KIRREL3: variants seen among roughly 807,000 people sequenced by gnomAD.
KIRREL3 encodes the protein kin of IRRE-like protein 3.
In KIRREL3, 36 loss-of-function variants were observed where a neutral mutation model predicts 89.7. That is an observed-to-expected ratio of 0.40 (90% CI 0.31 to 0.53). The LOEUF (loss-of-function observed/expected upper bound fraction) is 0.53, where lower values mean the gene tolerates loss of function less well. KIRREL3 is among the 20% of genes least tolerant of loss of function. The pLI, the probability that KIRREL3 is intolerant of heterozygous loss-of-function variation, is 0.49. For missense variants in KIRREL3, 864 were observed against 1,056.6 expected (o/e 0.82, Z 2.53); for synonymous variants, 445 against 441.4 (o/e 1.01, Z -0.10).
In KIRREL3 at chr11:126,909,367, C is replaced by T. The variant is rs555521993; in HGVS notation, c.55+91088G>A. 5.3e-5 allele frequency among the ~76,000 whole-genome samples: 8 copies of T among 152,302 alleles called. No individual in the cohort carries two copies. The highest frequency in any genetic ancestry group is 1.9e-4 in the East Asian group (1 of 5,180). On this transcript the variant is annotated intron_variant, in intron 1 of 16. Transcript: ENST00000525144. The surrounding 1 kb of genome is among the most constrained non-coding windows in gnomAD (Gnocchi z 4.5). ...GTTCCTCAAGGCAAGAGAGCAAGGA[C>T]GCATTGCACTCATCCTTGCATATCT...
chr11:126,431,676 G>T lies in KIRREL3; in HGVS notation c.1589-150C>A. The stretch of plus-strand genomic sequence containing the variant: ...TGGGGCCTGGGCAGGCACAGGCCGA[G>T]TCCAACTGGGGTCAGCTCTAGCTGG... On this transcript the variant is annotated intron_variant, in intron 13 of 16. Transcript: ENST00000525144. The surrounding 1 kb of genome is among the most constrained non-coding windows in gnomAD (Gnocchi z 7.1). 2 of 758,524 alleles carry T rather than the reference G, an allele frequency of 2.6e-6. No homozygotes were observed. Among genetic ancestry groups the T allele is most frequent in the Non-Finnish European group, 4.3e-6 (2 of 462,348 alleles). The allele number at this position is 758,524 out of a possible 1,614,324, so 47.0% of individuals were successfully genotyped here.
At position 126,574,587 on chromosome 11, in the gene KIRREL3, C is replaced by A. The variant is rs540747733; in HGVS notation, c.56-11675G>T. Among the ~76,000 whole-genome samples the A allele has an allele frequency of 2.0e-5, 3 of 152,300 alleles. No homozygotes were observed. The East Asian group carries it at 5.8e-4, about 29-fold the overall frequency. ...CTGCACAGACCCTGCACGTCAATAGCTGAGCCCCAGAGAAGTGACCCCTTT... is the reference window on the plus strand; with the variant it reads ...CTGCACAGACCCTGCACGTCAATAGATGAGCCCCAGAGAAGTGACCCCTTT... On this transcript the variant is annotated intron_variant, in intron 1 of 16. Transcript: ENST00000525144. This position sits in a 1 kb window ranked among gnomAD's most constrained non-coding sequence, Gnocchi z 5.3.
intron 2 of KIRREL3, among the ~76,000 whole-genome samples, chr11:126,556,013 A>G (rs1261479789): frequency 6.6e-6 from 1 of 152,208 alleles, no homozygotes. Flanking sequence ...AAGTGCTGGG[A>G]TTATAGGCGT....
chr11:126,685,383 AGGAGATGG>A lies in KIRREL3; in HGVS notation c.56-122479_56-122472del, dbSNP rs543912478. Among the ~76,000 whole-genome samples, 16 of 152,238 alleles carry A rather than the reference AGGAGATGG, an allele frequency of 1.1e-4. No homozygotes were observed. The South Asian group carries it at 3.1e-3, about 30-fold the overall frequency. The stretch of plus-strand genomic sequence containing the variant: ...ACTTGGAGACAGAAATTCTTTGGGA[AGGAGATGG>A]GGTAGCTGCCTTACCAGAGAGAGCG... On this transcript the variant is annotated intron_variant, in intron 1 of 16. Coordinates refer to ENST00000525144, the MANE Select transcript of KIRREL3 (RefSeq NM_032531.4). The surrounding 1 kb of genome is among the most constrained non-coding windows in gnomAD (Gnocchi z 5.5).
chr11:126,677,939 C>T lies in KIRREL3; in HGVS notation c.56-115027G>A, dbSNP rs1281321280. Among the ~76,000 whole-genome samples, 1 of 152,166 alleles carries T rather than the reference C, an allele frequency of 6.6e-6. No homozygotes were observed. Among genetic ancestry groups the T allele is most frequent in the African/African-American group, 2.4e-5 (1 of 41,440 alleles). On this transcript the variant is annotated intron_variant, in intron 1 of 16. Transcript: ENST00000525144. This position sits in a 1 kb window ranked among gnomAD's most constrained non-coding sequence, Gnocchi z 5.1. ...CCTGTCTTGTCATCAGCCTCAGTGT[C>T]AGGCCCTGGGACCCAGAGACACACC...
chr11:126,779,450 T>C (rs1016395637), intron 1 of KIRREL3, among the ~76,000 whole-genome samples: 3 of 152,170 alleles, frequency 2.0e-5, no homozygotes, highest in African/African-American at 7.2e-5. Flanking sequence ...TTCCATATGT[T>C]GACAGCCTTT....
Position 126,562,690 on chromosome 11 carries a change from G to C in KIRREL3, c.133+145C>G. The C allele has an allele frequency of 3.4e-6, 2 of 589,644 alleles. No homozygotes were observed. Among genetic ancestry groups the C allele is most frequent in the Non-Finnish European group, 6.0e-6 (2 of 334,936 alleles). The allele number at this position is 589,644 out of a possible 1,614,324, so 36.5% of individuals were successfully genotyped here. A position where few individuals can be genotyped will look rare whatever the true frequency, so the allele number is the denominator to read the frequency against. On this transcript the variant is annotated intron_variant, in intron 2 of 16. Transcript: ENST00000525144. This position sits in a 1 kb window ranked among gnomAD's most constrained non-coding sequence, Gnocchi z 4.7. The stretch of plus-strand genomic sequence containing the variant: ...GCTTCCCCATGTGATTGTACAAATG[G>C]CTTCATGGAAACCAAACTGGTCTTC...
intron 1 of KIRREL3, among the ~76,000 whole-genome samples, chr11:126,597,128 G>A (rs144962333): frequency 6.6e-6 from 1 of 152,312 alleles, no homozygotes; most frequent in African/African-American, 2.4e-5. Context: ...CCTTTGGAGG[G>A]CCGTTCCCAG....
intron 1 of KIRREL3, among the ~76,000 whole-genome samples, chr11:126,944,001 C>G (rs1454865252): frequency 2.0e-5 from 3 of 152,278 alleles, no homozygotes; most frequent in Non-Finnish European, 2.9e-5. Context: ...TCGCCTTTCT[C>G]CCCTGAAGCA....
chr11:126,432,080 G>C lies in KIRREL3; in HGVS notation c.1589-554C>G, dbSNP rs1955154008. Among the ~76,000 whole-genome samples the C allele has an allele frequency of 6.6e-6, 1 of 152,146 alleles. No individual in the cohort carries two copies. Among genetic ancestry groups the C allele is most frequent in the Non-Finnish European group, 1.5e-5 (1 of 68,024 alleles). ...CCCGCAGGTCTGCTGGGCATCAGTT[G>C]TGGCCCTCAGGTGTCCAAGTCTCAG... On this transcript the variant is annotated intron_variant, in intron 13 of 16. Transcript: ENST00000525144. The surrounding 1 kb of genome is among the most constrained non-coding windows in gnomAD (Gnocchi z 6.2).
At chr11:126,567,142 G>A (rs552067284) in intron 1 of KIRREL3, among the ~76,000 whole-genome samples, 6 of 152,326 alleles carry the variant, frequency 3.9e-5, no homozygotes, top group African/African-American at 7.2e-5. Flanking sequence ...CACCAAATTC[G>A]TACATTGAAG....
Position 126,714,596 on chromosome 11 carries a change from G to A in KIRREL3, c.56-151684C>T, listed in dbSNP as rs1487853507. Among the ~76,000 whole-genome samples, 4 of 152,180 alleles carry A rather than the reference G, an allele frequency of 2.6e-5. No homozygotes were observed. In the East Asian group the frequency reaches 7.7e-4, roughly 29 times the overall value. ...ACATGATAGGTATGGGGCTGGTGGGGATAAATGCCCCAATTTCCTCACTTC... is the reference window on the plus strand; with the variant it reads ...ACATGATAGGTATGGGGCTGGTGGGAATAAATGCCCCAATTTCCTCACTTC... On this transcript the variant is annotated intron_variant, in intron 1 of 16. Transcript: ENST00000525144.
Position 126,568,744 on chromosome 11 carries a change from C to A in KIRREL3, c.56-5832G>T, listed in dbSNP as rs1024079890. Among the ~76,000 whole-genome samples, 1 of 152,156 alleles carries A rather than the reference C, an allele frequency of 6.6e-6. No homozygotes were observed. Among genetic ancestry groups the A allele is most frequent in the African/African-American group, 2.4e-5 (1 of 41,440 alleles). On this transcript the variant is annotated intron_variant, in intron 1 of 16. Coordinates refer to ENST00000525144, the MANE Select transcript of KIRREL3 (RefSeq NM_032531.4). This position sits in a 1 kb window ranked among gnomAD's most constrained non-coding sequence, Gnocchi z 4.6. ...ATGATTCATATGAAAAGCAAATGAGCCAACACATGGGCAAAAGTGCCCAGA... is the reference window on the plus strand; with the variant it reads ...ATGATTCATATGAAAAGCAAATGAGACAACACATGGGCAAAAGTGCCCAGA...
intron 2 of KIRREL3, among the ~76,000 whole-genome samples, chr11:126,532,002 G>A (rs1250784032): frequency 6.6e-6 from 1 of 152,212 alleles, no homozygotes; most frequent in East Asian, 1.9e-4. Flanking sequence ...GGAGAAAGGT[G>A]AGAAATCACA....
chr11:126,739,093 G>A lies in KIRREL3; in HGVS notation c.56-176181C>T, dbSNP rs1291806378. On this transcript the variant is annotated intron_variant, in intron 1 of 16. Transcript: ENST00000525144. This position sits in a 1 kb window ranked among gnomAD's most constrained non-coding sequence, Gnocchi z 5.5. ...GGCTTTCAGAGAGACCAAGTAACTT[G>A]CTCAAGGCCACACAGCTAGAAATTA... Among the ~76,000 whole-genome samples the A allele has an allele frequency of 6.6e-6, 1 of 152,208 alleles. No individual in the cohort carries two copies. The highest frequency in any genetic ancestry group is 1.5e-5 in the Non-Finnish European group (1 of 68,042).
chr11:126,760,003 C>T (rs1284960809), intron 1 of KIRREL3, among the ~76,000 whole-genome samples: 3 of 152,228 alleles, frequency 2.0e-5, no homozygotes, highest in African/African-American at 7.2e-5. Context: ...CCTACACAGA[C>T]AGAAAGACCT....
At position 126,564,650 on chromosome 11, in the gene KIRREL3, G is replaced by T. The variant is rs1940381374; in HGVS notation, c.56-1738C>A. Among the ~76,000 whole-genome samples the T allele has an allele frequency of 6.6e-6, 1 of 152,152 alleles. No individual in the cohort carries two copies. Among genetic ancestry groups the T allele is most frequent in the South Asian group, 2.1e-4 (1 of 4,826 alleles). ...ACGATGTTAAGTTCCCTCATTCAAGGCCTTGGCCCTTTCTTCAGGGGCTCC... is the reference window on the plus strand; with the variant it reads ...ACGATGTTAAGTTCCCTCATTCAAGTCCTTGGCCCTTTCTTCAGGGGCTCC... On this transcript the variant is annotated intron_variant, in intron 1 of 16. Transcript: ENST00000525144. This position sits in a 1 kb window ranked among gnomAD's most constrained non-coding sequence, Gnocchi z 7.4.
intron 16 of KIRREL3, among the ~76,000 whole-genome samples, chr11:126,425,296 C>A (rs1369331783): frequency 2.0e-5 from 3 of 152,212 alleles, no homozygotes; most frequent in Non-Finnish European, 4.4e-5. Context: ...AGGAGGGAAG[C>A]AGAGGCTCTT....
intron 1 of KIRREL3, among the ~76,000 whole-genome samples, chr11:126,646,740 G>C (rs898543046): frequency 6.6e-6 from 1 of 152,092 alleles, no homozygotes; most frequent in African/African-American, 2.4e-5. Context: ...CTCCCAAAGT[G>C]CTGGGATTAC....
Sources: gnomAD v4.1 joint callset for allele counts (sites outside exome capture counted in the v4.1 genomes callset) on GRCh38, gnomAD v4.1.1 for gene constraint, Gnocchi (gnomAD v3.1) non-coding constraint, MANE v1.5 for transcripts, NCBI Gene and HGNC (gene_info 2026-07-23, HGNC 2026-07-21) for gene names.